CUBN: variants seen among roughly 807,000 people sequenced by gnomAD.
CUBN encodes the protein cubilin.
Under a neutral mutation model 405.3 loss-of-function variants are expected in CUBN, and 282 were observed. The observed-to-expected ratio is 0.70, with a 90% confidence interval of 0.63 to 0.77. The LOEUF (loss-of-function observed/expected upper bound fraction) is 0.77, where lower values mean the gene tolerates loss of function less well. Ranked by LOEUF, CUBN falls within the 30% of genes least tolerant of loss-of-function variation. The pLI, the probability that CUBN is intolerant of heterozygous loss-of-function variation, is 0.00. For missense variants in CUBN, 4,514 were observed against 4,475.2 expected (o/e 1.01, Z -0.25); for synonymous variants, 1,684 against 1,617.0 (o/e 1.04, Z -0.99).
intron 22 of CUBN, among the ~76,000 whole-genome samples, chr10:17,059,974 CT>C (rs1835468077): frequency 6.6e-6 from 1 of 152,176 alleles, no homozygotes; most frequent in African/African-American, 2.4e-5. Context: ...TATCACCACA[CT>C]TTTTAGAGAG....
intron 28 of CUBN, among the ~76,000 whole-genome samples, chr10:16,995,070 G>A (rs1041728310): frequency 6.6e-6 from 1 of 152,148 alleles, no homozygotes; most frequent in African/African-American, 2.4e-5. Flanking sequence ...CAGCCTGGGC[G>A]ACAGAGCAAG....
At chr10:17,117,526 C>T (rs1836932518) in intron 6 of CUBN, among the ~76,000 whole-genome samples, 1 of 152,198 alleles carries the variant, frequency 6.6e-6, no homozygotes, top group Non-Finnish European at 1.5e-5. Context: ...AGGTGCGTGC[C>T]ACCACACCCG....
intron 60 of CUBN, 55 bp downstream of exon 60, chr10:16,851,180 A>C: frequency 1.5e-6 from 2 of 1,379,246 alleles, no homozygotes; most frequent in African/African-American, 1.4e-5. Context: ...ACTGGAATAC[A>C]CTATATTAGA....
At chr10:16,904,724 A>ATGAT (rs144033985) in intron 50 of CUBN, among the ~76,000 whole-genome samples, 7,920 of 152,318 alleles carry the variant, frequency 0.052, 304 homozygotes, top group Non-Finnish European at 0.081. Flanking sequence ...TTCTAAATCA[A>ATGAT]TGATATATAG....
At chr10:16,919,844 C>T (rs755500492) in intron 44 of CUBN, 119 bp downstream of exon 44, 66 of 1,115,096 alleles carry the variant, frequency 5.9e-5, no homozygotes, top group Non-Finnish European at 8.3e-5. Flanking sequence ...TAAGCATTTC[C>T]CTTTTCCCCT....
intron 36 of CUBN, among the ~76,000 whole-genome samples, chr10:16,945,677 AG>A (rs1842758480): frequency 6.7e-6 from 1 of 149,414 alleles, no homozygotes; most frequent in Admixed American, 6.7e-5. Context: ...CTGAGGCAGG[AG>A]AATAGCTTAA....
chr10:16,964,818 C>G (rs1261242454), intron 31 of CUBN, among the ~76,000 whole-genome samples: 1 of 152,228 alleles, frequency 6.6e-6, no homozygotes, highest in Non-Finnish European at 1.5e-5. Context: ...GTTTTAAGAT[C>G]TCCAAAGCAT....
At chr10:16,853,580 G>A (rs935209293) in intron 59 of CUBN, among the ~76,000 whole-genome samples, 7 of 152,186 alleles carry the variant, frequency 4.6e-5, no homozygotes, top group Non-Finnish European at 7.3e-5. Flanking sequence ...TAAGTCAGGC[G>A]AAACTATAGA....
chr10:16,864,259 T>A (rs1286649216), intron 59 of CUBN, among the ~76,000 whole-genome samples: 1 of 152,198 alleles, frequency 6.6e-6, no homozygotes, highest in African/African-American at 2.4e-5. Flanking sequence ...CTTTAGGATT[T>A]GACGGTTAGG....
rs1337186000 is a variant in CUBN at position 17,068,077 on chromosome 10, T to G, written c.2995A>C (p.Thr999Pro). The G allele has an allele frequency of 6.2e-7, 1 of 1,611,468 alleles. No individual in the cohort carries two copies. Among genetic ancestry groups the G allele is most frequent in the Non-Finnish European group, 8.5e-7 (1 of 1,177,734 alleles). Residue 999 changes from threonine (T) to proline (P), a missense_variant, in exon 21 of 67, where the codon ACA (threonine) becomes CCA (proline). Around this residue, in one of 5 missense-constraint regions of CUBN, gnomAD observed 1,448 missense variants for 1,388.0 expected, o/e 1.04. Coordinates refer to ENST00000377833, the MANE Select transcript of CUBN (RefSeq NM_001081.4). ...YLEVYDTDSE[T>P]SLGRYCGKSI... ...ACATAACCTTACCTTCCAAGGGATG[T>G]CTCAGAGTCGGTGTCATAAACTTCC...
chr10:16,935,885 A>AAAAAAAAAAAAG (rs1454180144), intron 39 of CUBN, among the ~76,000 whole-genome samples: 4 of 150,748 alleles, frequency 2.7e-5, no homozygotes, highest in Non-Finnish European at 5.9e-5. Context: ...ATCTCAAAAA[A>AAAAAAAAAAAAG]AAAAAAAAAA....
chr10:16,858,419 C>G (rs1384482176), intron 59 of CUBN, among the ~76,000 whole-genome samples: 1 of 152,142 alleles, frequency 6.6e-6, no homozygotes, highest in Non-Finnish European at 1.5e-5. Context: ...CTCCTGGGCT[C>G]AAGGGATCCT....
At chr10:16,989,401 TG>T (rs1833516495) in intron 29 of CUBN, among the ~76,000 whole-genome samples, 1 of 148,342 alleles carries the variant, frequency 6.7e-6, no homozygotes, top group South Asian at 2.1e-4. Flanking sequence ...TAATTTATAG[TG>T]TAAGTATATA....
In CUBN at chr10:17,068,489, G is replaced by A; in HGVS notation, c.2791+116C>T. ...TAGAAAATATACATTCTTTGTCTTT[G>A]AGTGTACTTTAAAATTTTTCACAGT... On this transcript the variant is annotated intron_variant, in intron 20 of 66. Coordinates refer to ENST00000377833, the MANE Select transcript of CUBN (RefSeq NM_001081.4). The A allele has an allele frequency of 4.1e-6, 4 of 982,044 alleles. No individual in the cohort carries two copies. The South Asian group carries it at 4.4e-5, about 11-fold the overall frequency. 60.8% of individuals were successfully genotyped at this position (982,044 alleles called of 1,614,324 possible). A position where few individuals can be genotyped will look rare whatever the true frequency, so the allele number is the denominator to read the frequency against.
At chr10:16,850,748 C>T (rs1021378754) in intron 60 of CUBN, among the ~76,000 whole-genome samples, 1 of 152,228 alleles carries the variant, frequency 6.6e-6, no homozygotes, top group Non-Finnish European at 1.5e-5. Flanking sequence ...GCTGGAATTA[C>T]AGGCATGAGC....
At chr10:16,949,400 G>T (rs932673560) in intron 34 of CUBN, among the ~76,000 whole-genome samples, 3 of 151,318 alleles carry the variant, frequency 2.0e-5, no homozygotes, top group African/African-American at 4.9e-5. Context: ...AAATTCAAAA[G>T]TTAGGAAATT....
rs1801237 is a variant in CUBN, at chr10:16,901,451, C to T, written c.8071G>A (p.Gly2691Arg). Residue 2691 changes from glycine to arginine, a missense_variant, in exon 52 of 67, where the codon GGA (glycine) becomes AGA (arginine). Physicochemically the swap from Gly to Arg is moderately radical, Grantham distance 125. Transcript: ENST00000377833. ...ACTCCACTGTCACCTATCTGTATTC[C>T]GCCACAATCTGAAATGAGATTGGTA... ...HAKYSFTDCG[G>R]IQIGDSGVIT... 670 of 1,613,860 alleles carry T rather than the reference C, an allele frequency of 4.2e-4. 2 individuals carry two copies. Among genetic ancestry groups the T allele is most frequent in the South Asian group, 1.2e-3 (106 of 91,082 alleles).
At chr10:16,897,528 T>A (rs915056709) in intron 54 of CUBN, among the ~76,000 whole-genome samples, 1 of 152,110 alleles carries the variant, frequency 6.6e-6, no homozygotes, top group African/African-American at 2.4e-5. Context: ...TACCTCAATG[T>A]CTCTGGGTGG....
chr10:16,947,328 T>C lies in CUBN; in HGVS notation c.5249A>G (p.Asn1750Ser), dbSNP rs745926208. ...GTFYMAEGIF[N>S]SPGYPDIYPP... ...ATAAATGTCTGGGTAGCCAGGGCTG[T>C]TGAAGATGCCTTCAGCCATGTAGAA... Residue 1750 changes from asparagine (N) to serine (S), a missense_variant, in exon 36 of 67, where the codon AAC becomes AGC. By Grantham distance (46) the Asn-to-Ser change is conservative. Coordinates refer to ENST00000377833, the MANE Select transcript of CUBN (RefSeq NM_001081.4). 18 of 1,613,952 alleles carry C rather than the reference T, an allele frequency of 1.1e-5. No individual in the cohort carries two copies. The Admixed American group carries it at 2.7e-4, about 24-fold the overall frequency.
Sources: allele counts gnomAD v4.1 joint callset (sites outside exome capture counted in the v4.1 genomes callset), GRCh38; gene constraint gnomAD v4.1.1; regional missense constraint gnomAD v4.1.1; transcripts MANE v1.5; gene names NCBI Gene and HGNC (gene_info 2026-07-23, HGNC 2026-07-21).